Variants in PSMF1 observed in about 807,000 individuals in gnomAD.
PSMF1 encodes the protein proteasome inhibitor subunit 1.
PSMF1 carries 30 observed loss-of-function variants against 29.3 expected under a neutral mutation model. The observed-to-expected ratio is 1.02, with a 90% CI of 0.77 to 1.39. The LOEUF is 1.39. Ranked by LOEUF, PSMF1 falls within the 40% of genes most tolerant of loss-of-function variation. The probability of loss-of-function intolerance (pLI) is 0.00; values close to 1 mark genes in which losing one functional copy is unlikely to be tolerated. For synonymous variants in PSMF1, 134 were observed against 139.7 expected, an observed-to-expected ratio of 0.96 and a Z score of 0.29; for missense variants, 344 against 357.5, an observed-to-expected ratio of 0.96 and a Z score of 0.31.
chr20:1,123,452 A>AT (rs1227890474), intron 1 of PSMF1, among the ~76,000 whole-genome samples: 2 of 152,110 alleles, frequency 1.3e-5, no homozygotes, highest in African/African-American at 2.4e-5. Flanking sequence ...AGATTATAGC[A>AT]TTTTTTTGTG....
intron 4 of PSMF1, among the ~76,000 whole-genome samples, chr20:1,140,437 AAATG>A (rs1459722614): frequency 6.6e-6 from 1 of 152,180 alleles, no homozygotes; most frequent in Non-Finnish European, 1.5e-5. Context: ...GATTACCTCT[AAATG>A]AATCACACAC....
upstream of PSMF1, among the ~76,000 whole-genome samples, chr20:1,117,333 CTTTT>C (rs796938800): frequency 5.0e-5 from 7 of 139,814 alleles, no homozygotes; most frequent in Admixed American, 1.4e-4. Context: ...TCTGACTTTT[CTTTT>C]TTTTTTTTTT....
chr20:1,161,494 G>A lies in PSMF1; in HGVS notation c.552-1636G>A. On this transcript the variant is annotated intron_variant, in intron 4 of 6. Transcript: ENST00000335877. ...GCCAGTGGCACCACCATGTACCCAA[G>A]CATCTCCAACAGGATGCAGAAAGAG... The A allele has an allele frequency of 1.4e-5, 7 of 515,792 alleles. No individual in the cohort carries two copies. In the South Asian group the frequency reaches 1.6e-4, roughly 11 times the overall value. The allele number at this position is 515,792 out of a possible 1,614,324, so 32.0% of individuals were successfully genotyped here.
At chr20:1,143,421 T>C (rs2086408283) in intron 4 of PSMF1, among the ~76,000 whole-genome samples, 1 of 152,124 alleles carries the variant, frequency 6.6e-6, no homozygotes, top group African/African-American at 2.4e-5. Flanking sequence ...GCTGGAGCAA[T>C]TGGATAATCA....
chr20:1,160,891 C>T (rs2086658561), intron 4 of PSMF1: 2 of 448,542 alleles, frequency 4.5e-6, no homozygotes, highest in East Asian at 5.5e-5. Context: ...GCACCTGGTG[C>T]TGCTGACTGA....
At chr20:1,155,463 C>G (rs555700216) in intron 4 of PSMF1, among the ~76,000 whole-genome samples, 1 of 152,312 alleles carries the variant, frequency 6.6e-6, no homozygotes, top group Admixed American at 6.5e-5. Flanking sequence ...TGGACACAGG[C>G]ACCGTTGTAG....
intron 4 of PSMF1, among the ~76,000 whole-genome samples, chr20:1,149,865 GTCTC>G (rs1162512326): frequency 1.3e-5 from 2 of 152,152 alleles, no homozygotes; most frequent in Non-Finnish European, 2.9e-5. Flanking sequence ...GTGAAACTCT[GTCTC>G]TATAAATTAG....
chr20:1,138,518 CAAAAAAA>C (rs34220986), intron 4 of PSMF1, among the ~76,000 whole-genome samples: 2 of 97,794 alleles, frequency 2.0e-5, no homozygotes, highest in Non-Finnish European at 4.1e-5. Context: ...GACTGCATCT[CAAAAAAA>C]AAAAAAAAAA....
In PSMF1 at chr20:1,170,220, GC is replaced by G. The variant is rs2086776631; in HGVS notation, c.*5141del. Reference sequence around the variant, plus strand: ...CACCCCAGACATTGAATGAGAATCTGCATTTTAACAAGTTCTCCATGAGATT... The same window carrying G: ...CACCCCAGACATTGAATGAGAATCTGATTTTAACAAGTTCTCCATGAGATT... On this transcript the variant is annotated 3_prime_UTR_variant, in exon 7 of 7. Coordinates refer to ENST00000335877, the MANE Select transcript of PSMF1 (RefSeq NM_006814.5). 6.6e-6 allele frequency among the ~76,000 whole-genome samples: 1 copy of G among 152,182 alleles called. No individual in the cohort carries two copies. Among genetic ancestry groups the G allele is most frequent in the Admixed American group, 6.5e-5 (1 of 15,284 alleles).
chr20:1,124,855 C>A (rs1322154890), intron 1 of PSMF1, among the ~76,000 whole-genome samples: 1 of 152,166 alleles, frequency 6.6e-6, no homozygotes, highest in African/African-American at 2.4e-5. Flanking sequence ...AGTAATATAA[C>A]TCTAAGGAAA....
At chr20:1,141,297 A>C (rs528135559) in intron 4 of PSMF1, among the ~76,000 whole-genome samples, 29 of 152,306 alleles carry the variant, frequency 1.9e-4, no homozygotes, top group Non-Finnish European at 3.7e-4. Flanking sequence ...TGCGTTATAC[A>C]TGTTAGCTGG....
intron 1 of PSMF1, among the ~76,000 whole-genome samples, chr20:1,123,339 C>G (rs1038625406): frequency 6.6e-6 from 1 of 152,146 alleles, no homozygotes; most frequent in African/African-American, 2.4e-5. Context: ...TTTCCATTTT[C>G]TTCATCTCCG....
chr20:1,147,161 T>TCAC (rs1568476215), intron 4 of PSMF1, among the ~76,000 whole-genome samples: 2 of 129,208 alleles, frequency 1.5e-5, no homozygotes, highest in East Asian at 4.2e-4. Flanking sequence ...ATCATCATCA[T>TCAC]CATCATCATC....
chr20:1,142,060 A>G (rs749273188), intron 4 of PSMF1, among the ~76,000 whole-genome samples: 4 of 152,022 alleles, frequency 2.6e-5, no homozygotes, highest in Non-Finnish European at 4.4e-5. Flanking sequence ...CGTCTCTACT[A>G]AAAATAGAAA....
Position 1,156,577 on chromosome 20 carries a change from T to G in PSMF1, c.552-6553T>G, listed in dbSNP as rs184375234. 6.8e-3 allele frequency among the ~76,000 whole-genome samples: 1,033 copies of G among 152,258 alleles called. 9 individuals are homozygous for G. Among genetic ancestry groups the G allele is most frequent in the Middle Eastern group, 0.024 (7 of 294 alleles). The stretch of plus-strand genomic sequence containing the variant: ...ATGGTTACGAATTTCTCATCAGAAA[T>G]CTTGGAGGCCAGAAAGAAGAACAGC... On this transcript the variant is annotated intron_variant, in intron 4 of 6. Transcript: ENST00000335877.
Position 1,165,204 on chromosome 20 carries a change from C to T in PSMF1, c.*124C>T, listed in dbSNP as rs1026085511. 1.1e-5 allele frequency: 17 copies of T among 1,533,066 alleles called. No individual in the cohort carries two copies. The African/African-American group carries it at 1.2e-4, about 11-fold the overall frequency. The allele number at this position is 1,533,066 out of a possible 1,614,324, so 95.0% of individuals were successfully genotyped here. A position where few individuals can be genotyped will look rare whatever the true frequency, so the allele number is the denominator to read the frequency against. Reference sequence around the variant, plus strand: ...GGATTCTGCTCATGTGTTTGCAGACCGGCTGGGATAGCCTCCCCACCCCTT... The same window carrying T: ...GGATTCTGCTCATGTGTTTGCAGACTGGCTGGGATAGCCTCCCCACCCCTT... On this transcript the variant is annotated 3_prime_UTR_variant, in exon 7 of 7. Coordinates refer to ENST00000335877, the MANE Select transcript of PSMF1 (RefSeq NM_006814.5).
chr20:1,167,341 A>G lies in PSMF1; in HGVS notation c.*2261A>G, dbSNP rs1568486751. 1 of 149,186 alleles carries G rather than the reference A, an allele frequency of 6.7e-6. No homozygotes were observed. The highest frequency in any genetic ancestry group is 1.5e-5 in the Non-Finnish European group (1 of 68,030). 9.2% of individuals were successfully genotyped at this position (149,186 alleles called of 1,614,324 possible). A position where few individuals can be genotyped will look rare whatever the true frequency, so the allele number is the denominator to read the frequency against. ...AAGTGACCTGTTCCTCCTTTTTTAA[A>G]TAGCAGCTTTATTGAGATATAATTT... On this transcript the variant is annotated 3_prime_UTR_variant, in exon 7 of 7. Transcript: ENST00000335877.
chr20:1,135,043 CCGT>C (rs754545594), intron 3 of PSMF1, 75 bp from the exon 4 acceptor site: 1 of 1,482,702 alleles, frequency 6.7e-7, no homozygotes, highest in African/African-American at 1.4e-5. Context: ...GCCGCCGCCG[CCGT>C]CGTTGCAGCC....
rs779635176 is a variant in PSMF1 at position 1,135,152 on chromosome 20, C to T, written c.397C>T (p.Arg133Cys). ...TYKNSEELRS[R>C]IVSGIITPIH... is the part of the protein sequence containing the mutation. ...CAAGAACAGTGAGGAGCTTCGGTCTCGTATTGTGTCTGGAATCATCACACC... is the reference window on the plus strand; with the variant it reads ...CAAGAACAGTGAGGAGCTTCGGTCTTGTATTGTGTCTGGAATCATCACACC... The change falls in exon 4 of 7, where the codon CGT becomes TGT. Residue 133 changes from arginine to cysteine, a missense_variant. Arg to Cys is a radical substitution (Grantham distance 180, BLOSUM62 -3). Transcript: ENST00000335877. 9 of 1,614,010 alleles carry T rather than the reference C, an allele frequency of 5.6e-6. No individual in the cohort carries two copies. Among genetic ancestry groups the T allele is most frequent in the Middle Eastern group, 1.6e-4 (1 of 6,082 alleles).
Sources: gnomAD v4.1 joint callset for allele counts (sites outside exome capture counted in the v4.1 genomes callset) on GRCh38, gnomAD v4.1.1 for gene constraint, MANE v1.5 for transcripts, NCBI Gene and HGNC (gene_info 2026-07-23, HGNC 2026-07-21) for gene names.